Variants in HEATR5B observed in about 807,000 individuals in gnomAD.
The protein encoded by HEATR5B is HEAT repeat containing 5B.
HEATR5B carries 156 observed loss-of-function variants against 224.1 expected under a neutral mutation model. The observed-to-expected ratio is 0.70, with a 90% CI of 0.61 to 0.80. The LOEUF (loss-of-function observed/expected upper bound fraction) is 0.80, where lower values mean the gene tolerates loss of function less well. Among genes scored for constraint, HEATR5B ranks in the 30% least tolerant of loss-of-function variants. The probability of loss-of-function intolerance (pLI) is 0.00; values close to 1 mark genes in which losing one functional copy is unlikely to be tolerated. For synonymous variants in HEATR5B, 1,027 were observed against 893.0 expected, an observed-to-expected ratio of 1.15 and a Z score of -2.68; for missense variants, 2,323 against 2,535.5, an observed-to-expected ratio of 0.92 and a Z score of 1.80.
intron 2 of HEATR5B, among the ~76,000 whole-genome samples, chr2:37,081,995 C>A (rs1281701482): frequency 7.2e-6 from 1 of 138,372 alleles, no homozygotes; most frequent in Non-Finnish European, 1.5e-5. Flanking sequence ...TTTTACTACT[C>A]ACTTTTAAAT....
At chr2:36,982,803 TATCC>T (rs1665666916) in intron 35 of HEATR5B, among the ~76,000 whole-genome samples, 1 of 151,604 alleles carries the variant, frequency 6.6e-6, no homozygotes, top group South Asian at 2.1e-4. Flanking sequence ...AAAATTGATA[TATCC>T]ATCATCACTA....
chr2:37,064,279 GTT>G (rs1168347754), intron 10 of HEATR5B, among the ~76,000 whole-genome samples: 4,322 of 126,946 alleles, frequency 0.034, 63 homozygotes, highest in Non-Finnish European at 0.053. Flanking sequence ...CTAAGGTTGG[GTT>G]TTTTTTTTTT....
chr2:37,076,290 G>A (rs1446652542), intron 4 of HEATR5B: 1 of 152,202 alleles, frequency 6.6e-6, no homozygotes, highest in African/African-American at 2.4e-5. Context: ...TAGACAAATA[G>A]TTCCCAGAAA....
chr2:37,044,811 C>T (rs979955817), intron 18 of HEATR5B, among the ~76,000 whole-genome samples: 2 of 152,190 alleles, frequency 1.3e-5, no homozygotes, highest in East Asian at 3.8e-4. Flanking sequence ...CCAGAAGTCA[C>T]TGAGACTCTG....
intron 24 of HEATR5B, 139 bp from the exon 25 acceptor site, chr2:37,020,975 T>C (rs1344692330): frequency 1.0e-5 from 6 of 576,264 alleles, no homozygotes; most frequent in Non-Finnish European, 1.8e-5. Context: ...AAAGATATTA[T>C]ATTCTTTCAA....
intron 35 of HEATR5B, among the ~76,000 whole-genome samples, chr2:36,984,645 C>T (rs991152528): frequency 2.6e-5 from 4 of 151,860 alleles, no homozygotes; most frequent in Non-Finnish European, 5.9e-5. Context: ...ACAATGTAAG[C>T]GATTAAAAGG....
intron 17 of HEATR5B, among the ~76,000 whole-genome samples, chr2:37,052,215 G>C (rs1166070020): frequency 6.6e-6 from 1 of 152,140 alleles, no homozygotes; most frequent in Non-Finnish European, 1.5e-5. Context: ...CTTTATGATA[G>C]AGTGCCTAGT....
At chr2:37,069,517 A>C (rs2148583692) in intron 7 of HEATR5B, among the ~76,000 whole-genome samples, 1 of 152,344 alleles carries the variant, frequency 6.6e-6, no homozygotes, top group African/African-American at 2.4e-5. Context: ...CTGGTGATTA[A>C]ACACTGATAG....
intron 24 of HEATR5B, among the ~76,000 whole-genome samples, chr2:37,024,236 G>C (rs1480650030): frequency 6.6e-6 from 1 of 152,184 alleles, no homozygotes; most frequent in Non-Finnish European, 1.5e-5. Context: ...GCGGTTACCA[G>C]AGGTTAAGGG....
At chr2:37,068,588 TAAAC>T in intron 8 of HEATR5B, 89 bp downstream of exon 8, 1 of 1,319,354 alleles carries the variant, frequency 7.6e-7, no homozygotes, top group South Asian at 1.4e-5. Flanking sequence ...CACAGAAAGA[TAAAC>T]TAATCAGTCT....
At chr2:37,062,202 AGATTG>A in intron 10 of HEATR5B, 152 bp from the exon 11 acceptor site, 1 of 526,750 alleles carries the variant, frequency 1.9e-6, no homozygotes, top group Non-Finnish European at 3.4e-6. Flanking sequence ...TGAGGCAGGC[AGATTG>A]CCTGAGCTCA....
At chr2:37,069,498 A>G (rs1671779229) in intron 7 of HEATR5B, among the ~76,000 whole-genome samples, 1 of 152,200 alleles carries the variant, frequency 6.6e-6, no homozygotes, top group South Asian at 2.1e-4. Flanking sequence ...ATATAATCTT[A>G]TAATTACACT....
intron 7 of HEATR5B, among the ~76,000 whole-genome samples, 155 bp from the exon 8 acceptor site, chr2:37,069,085 C>G (rs921978121): frequency 6.6e-6 from 1 of 152,182 alleles, no homozygotes; most frequent in African/African-American, 2.4e-5. Context: ...CTTTTTACTA[C>G]TTCTGGAATA....
In HEATR5B at chr2:37,072,143, TG is replaced by T; in HGVS notation, c.735del (p.Met246TrpfsTer5). 1.9e-6 allele frequency: 3 copies of T among 1,614,122 alleles called. No individual in the cohort carries two copies. Among genetic ancestry groups the T allele is most frequent in the Non-Finnish European group, 2.5e-6 (3 of 1,179,994 alleles). ...TGTTTTGGCATTAATGCTGTGGCCA[TG>T]ACTGTTCCTAAAAGTTTAGACACTG... ...RVAVSKLLGT[V>X]MATALMPKQA... On this transcript the variant is annotated frameshift_variant, in exon 6 of 36. Transcript: ENST00000233099. LOFTEE classifies it high-confidence loss of function.
intron 6 of HEATR5B, among the ~76,000 whole-genome samples, chr2:37,071,130 ACAT>A (rs57358811): frequency 0.038 from 5,805 of 151,182 alleles, 142 homozygotes; most frequent in Non-Finnish European, 0.055. Flanking sequence ...TTAAAACATT[ACAT>A]CATCATCATC....
chr2:37,032,917 G>C (rs1669226291), intron 21 of HEATR5B, 144 bp from the exon 22 acceptor site: 2 of 692,810 alleles, frequency 2.9e-6, no homozygotes, highest in Non-Finnish European at 4.4e-6. Context: ...TTTTGCTCTT[G>C]TTGCCCAGGC....
chr2:37,067,267 G>A (rs1316568232), intron 8 of HEATR5B, among the ~76,000 whole-genome samples: 2 of 152,156 alleles, frequency 1.3e-5, no homozygotes, highest in Non-Finnish European at 2.9e-5. Flanking sequence ...GATAGGTGCT[G>A]TATGCATCTG....
At chr2:37,025,862 T>G (rs1004920460) in intron 24 of HEATR5B, among the ~76,000 whole-genome samples, 2 of 152,210 alleles carry the variant, frequency 1.3e-5, no homozygotes, top group Admixed American at 1.3e-4. Flanking sequence ...TTTTATTTAC[T>G]TATTTATTTA....
chr2:37,080,954 G>A (rs1044414445), intron 2 of HEATR5B, among the ~76,000 whole-genome samples: 1 of 152,124 alleles, frequency 6.6e-6, no homozygotes, highest in Admixed American at 6.5e-5. Context: ...TTTGGGTGGA[G>A]GGTGTACAGA....
Sources: gnomAD v4.1 joint callset for allele counts (sites outside exome capture counted in the v4.1 genomes callset) on GRCh38, gnomAD v4.1.1 for gene constraint, MANE v1.5 for transcripts, NCBI Gene and HGNC (gene_info 2026-07-23, HGNC 2026-07-21) for gene names.